The following NAV1 variants were observed in gnomAD, a reference collection of about 807,000 sequenced individuals.
NAV1 encodes the protein pore membrane and/or filament interacting like protein 3.
In NAV1, 18 loss-of-function variants were observed where a neutral mutation model predicts 175.2. The ratio of observed to expected loss-of-function variants is 0.10; its 90% CI spans 0.07 to 0.15. The LOEUF (loss-of-function observed/expected upper bound fraction) is 0.15, where lower values mean the gene tolerates loss of function less well. Among genes scored for constraint, NAV1 ranks in the 10% least tolerant of loss-of-function variants. NAV1 has a pLI of 1.00. For synonymous variants in NAV1, 897 were observed against 978.7 expected, an observed-to-expected ratio of 0.92 and a Z score of 1.56; for missense variants, 1,731 against 2,436.6, an observed-to-expected ratio of 0.71 and a Z score of 6.10.
In NAV1 at chr1:201,808,462, A is replaced by G; in HGVS notation, c.3890A>G (p.Asn1297Ser). 6.2e-7 allele frequency: 1 copy of G among 1,614,166 alleles called. No homozygotes were observed. ...CCCCACACTAGGCTGTTCCATGCAA[A>G]TGAGGAGGAGGAGCCAGAGAAGAAG... The change falls in exon 19 of 30, where the codon AAT becomes AGT. Residue 1297 changes from asparagine (N) to serine (S), a missense_variant. Physicochemically the swap from Asn to Ser is conservative, Grantham distance 46. Coordinates refer to ENST00000367296, the Ensembl canonical transcript of NAV1. This position sits in a 1 kb window ranked among gnomAD's most constrained non-coding sequence, Gnocchi z 5.5.
intron 3 of NAV1, chr1:201,739,351 T>A (rs1269928877): frequency 2.0e-5 from 3 of 152,230 alleles, no homozygotes; most frequent in Non-Finnish European, 1.5e-5. Context: ...CCTGTGGTAA[T>A]ATGCACCCCT....
intron 1 of NAV1, among the ~76,000 whole-genome samples, chr1:201,585,683 T>C (rs1226280232): frequency 6.6e-6 from 1 of 152,132 alleles, no homozygotes; most frequent in Admixed American, 6.5e-5. Flanking sequence ...AAAGAATATA[T>C]ATAAATGGAC....
chr1:201,714,962 T>C (rs1672075425), intron 2 of NAV1, among the ~76,000 whole-genome samples: 1 of 152,136 alleles, frequency 6.6e-6, no homozygotes, highest in South Asian at 2.1e-4. Context: ...CAATCAAGCC[T>C]TTTGCATAAT....
In NAV1 at chr1:201,715,448, C is replaced by T. The variant is rs141224794; in HGVS notation, c.860+2529C>T. Reference sequence around the variant, plus strand: ...GTGCTGGGATTACAGGTGTGAGCCACCACGCCCTGCCGGCTCTTTTACTTT... The same window carrying T: ...GTGCTGGGATTACAGGTGTGAGCCATCACGCCCTGCCGGCTCTTTTACTTT... On this transcript the variant is annotated intron_variant, in intron 2 of 29. Coordinates refer to ENST00000367296, the Ensembl canonical transcript of NAV1. Among the ~76,000 whole-genome samples, 73 of 152,334 alleles carry T rather than the reference C, an allele frequency of 4.8e-4. 1 individual carries two copies. The highest frequency in any genetic ancestry group is 1.6e-3 in the African/African-American group (67 of 41,572).
intron 1 of NAV1, among the ~76,000 whole-genome samples, chr1:201,667,035 C>T (rs892212988): frequency 1.3e-5 from 2 of 151,900 alleles, no homozygotes; most frequent in African/African-American, 2.4e-5. Context: ...AGAGTGTGGG[C>T]GCAGCTGAGG....
intron 3 of NAV1, among the ~76,000 whole-genome samples, chr1:201,756,243 A>G (rs1200128734): frequency 6.6e-6 from 1 of 152,216 alleles, no homozygotes; most frequent in African/African-American, 2.4e-5. Flanking sequence ...AAAAATAAAC[A>G]AATATGGGCA....
intron 2 of NAV1, among the ~76,000 whole-genome samples, chr1:201,617,538 A>T (rs1408649029): frequency 6.6e-6 from 1 of 152,186 alleles, no homozygotes; most frequent in Non-Finnish European, 1.5e-5. Flanking sequence ...CCAGCCAGGG[A>T]AACATAGCAA....
intron 2 of NAV1, among the ~76,000 whole-genome samples, chr1:201,612,684 C>T (rs1253975780): frequency 6.6e-6 from 1 of 152,150 alleles, no homozygotes; most frequent in Non-Finnish European, 1.5e-5. Context: ...CCCTCATGAC[C>T]TAATCTCCTC....
rs1197005020 is a variant in NAV1 at position 201,788,373 on chromosome 1, T to A, written c.2996-95T>A. ...CCCCATTTGCCTCTCATGCTCCCGG[T>A]GCTCCATCCCCCAAGGGCCCGGAGA... On this transcript the variant is annotated intron_variant, in intron 9 of 29. Coordinates refer to ENST00000367296, the Ensembl canonical transcript of NAV1. This position sits in a 1 kb window ranked among gnomAD's most constrained non-coding sequence, Gnocchi z 5.7. 1 of 1,332,430 alleles carries A rather than the reference T, an allele frequency of 7.5e-7. No homozygotes were observed. The highest frequency in any genetic ancestry group is 1.1e-6 in the Non-Finnish European group (1 of 937,884). The allele number at this position is 1,332,430 out of a possible 1,614,324, so 82.5% of individuals were successfully genotyped here. A position where few individuals can be genotyped will look rare whatever the true frequency, so the allele number is the denominator to read the frequency against.
In NAV1 at chr1:201,799,598, G is replaced by A. The variant is rs868071872; in HGVS notation, c.3518-3995G>A. On this transcript the variant is annotated intron_variant, in intron 15 of 29. Transcript: ENST00000367296. ...CATAGGGTCAGGTGCGGTGGCTCAC[G>A]CCTATAATCCCAGCACTTTGGGAGG... Among the ~76,000 whole-genome samples, 9 of 152,308 alleles carry A rather than the reference G, an allele frequency of 5.9e-5. No individual in the cohort carries two copies. The East Asian group carries it at 1.2e-3, about 20-fold the overall frequency.
At chr1:201,623,204 C>G (rs547202401) in exon 1 of NAV1, 1 of 985,942 alleles carries the variant, frequency 1.0e-6, no homozygotes, top group Admixed American at 6.1e-5. Context: ...AGGACAACCC[C>G]GAAAGCAGCC....
At chr1:201,591,978 G>A (rs1408373146) in intron 2 of NAV1, among the ~76,000 whole-genome samples, 1 of 152,192 alleles carries the variant, frequency 6.6e-6, no homozygotes, top group Non-Finnish European at 1.5e-5. Context: ...ACAATCTAAG[G>A]AAGGGCTTAG....
upstream of NAV1, among the ~76,000 whole-genome samples, chr1:201,648,051 C>T (rs1360064307): frequency 2.6e-5 from 4 of 151,146 alleles, no homozygotes; most frequent in South Asian, 2.1e-4. Context: ...TCGCAGATAC[C>T]TCCCCCTCCC....
intron 2 of NAV1, among the ~76,000 whole-genome samples, chr1:201,613,676 A>G (rs1333100649): frequency 1.3e-5 from 2 of 152,130 alleles, no homozygotes; most frequent in African/African-American, 2.4e-5. Flanking sequence ...CAGCCTGGCC[A>G]ACATGGAGAA....
chr1:201,654,334 T>C (rs1222191396), intron 1 of NAV1, among the ~76,000 whole-genome samples: 1 of 152,070 alleles, frequency 6.6e-6, no homozygotes, highest in Non-Finnish European at 1.5e-5. Context: ...TTCTTCTTGT[T>C]TCACCCCTTC....
intron 28 of NAV1, chr1:201,816,834 T>TTTTTTTC: frequency 4.3e-6 from 2 of 465,260 alleles, no homozygotes; most frequent in South Asian, 2.3e-5. Flanking sequence ...TGGCTAATTT[T>TTTTTTTC]TTTTTTCTTT....
chr1:201,559,480 G>C (rs1666132383), intron 1 of NAV1, among the ~76,000 whole-genome samples: 4 of 152,134 alleles, frequency 2.6e-5, no homozygotes, highest in Admixed American at 2.6e-4. Flanking sequence ...ACTGGGAGCA[G>C]GGTTTTGATG....
intron 13 of NAV1, chr1:201,792,730 G>T: frequency 6.6e-6 from 1 of 152,238 alleles, no homozygotes; most frequent in East Asian, 1.9e-4. Context: ...TCTCCTCAGA[G>T]CCCAGGCCTT....
At chr1:201,760,405 C>T (rs1674768009) in intron 3 of NAV1, among the ~76,000 whole-genome samples, 3 of 152,162 alleles carry the variant, frequency 2.0e-5, no homozygotes, top group Non-Finnish European at 4.4e-5. Context: ...GTTTATATAA[C>T]CTGGAAAACA....
Sources: gnomAD v4.1 joint callset for allele counts (sites outside exome capture counted in the v4.1 genomes callset) on GRCh38, gnomAD v4.1.1 for gene constraint, Gnocchi (gnomAD v3.1) non-coding constraint, MANE v1.5 for transcripts, NCBI Gene and HGNC (gene_info 2026-07-23, HGNC 2026-07-21) for gene names.